The following DPYS variants were observed in gnomAD, a reference collection of about 807,000 sequenced individuals.
The protein encoded by DPYS is dihydropyrimidine amidohydrolase.
DPYS carries 39 observed loss-of-function variants against 50.3 expected under a neutral mutation model. The observed-to-expected ratio is 0.78, with a 90% CI of 0.60 to 1.01. DPYS has a LOEUF of 1.01. Among genes scored for constraint, DPYS ranks in the 50% least tolerant of loss-of-function variants. The probability of loss-of-function intolerance (pLI) is 0.00; values close to 1 mark genes in which losing one functional copy is unlikely to be tolerated. For synonymous variants in DPYS, 245 were observed against 250.7 expected, an observed-to-expected ratio of 0.98 and a Z score of 0.22; for missense variants, 659 against 680.9, an observed-to-expected ratio of 0.97 and a Z score of 0.36.
At chr8:104,428,533 C>T (rs1349240046) in intron 5 of DPYS, among the ~76,000 whole-genome samples, 2 of 152,270 alleles carry the variant, frequency 1.3e-5, no homozygotes, top group Non-Finnish European at 1.5e-5. Context: ...ACAAAGACAT[C>T]ACCATGGTGA....
intron 2 of DPYS, among the ~76,000 whole-genome samples, chr8:104,450,145 A>AGAAGGGAG (rs1554700349): frequency 7.6e-5 from 5 of 65,394 alleles, no homozygotes; most frequent in Non-Finnish European, 1.3e-4. Context: ...AAGAAAAGAA[A>AGAAGGGAG]GAAGGAAGGG....
intron 5 of DPYS, 140 bp from the exon 6 acceptor site, chr8:104,428,261 A>T: frequency 8.8e-7 from 1 of 1,132,582 alleles, no homozygotes; most frequent in South Asian, 1.3e-5. Flanking sequence ...CAGTTTTTTC[A>T]AGAACATATT....
intron 3 of DPYS, among the ~76,000 whole-genome samples, chr8:104,445,523 G>C (rs1377838926): frequency 6.6e-6 from 1 of 152,112 alleles, no homozygotes; most frequent in Non-Finnish European, 1.5e-5. Context: ...GACACAGAAA[G>C]ACAAACATTG....
At chr8:104,400,493 A>T (rs1427229059) in intron 7 of DPYS, among the ~76,000 whole-genome samples, 2 of 152,210 alleles carry the variant, frequency 1.3e-5, no homozygotes, top group South Asian at 2.1e-4. Context: ...CAATTGTGAG[A>T]AATACATTCT....
At chr8:104,458,576 A>G (rs1321439524) in intron 1 of DPYS, among the ~76,000 whole-genome samples, 1 of 152,234 alleles carries the variant, frequency 6.6e-6, no homozygotes, top group African/African-American at 2.4e-5. Flanking sequence ...TGCCCATTAC[A>G]GTACCTGGCA....
At chr8:104,428,863 C>T (rs1812836681) in intron 5 of DPYS, among the ~76,000 whole-genome samples, 1 of 150,708 alleles carries the variant, frequency 6.6e-6, no homozygotes, top group Non-Finnish European at 1.5e-5. Flanking sequence ...CAGAGTCTTG[C>T]TCTGTCACTC....
chr8:104,413,019 A>G (rs912381591), intron 7 of DPYS, among the ~76,000 whole-genome samples: 13 of 152,342 alleles, frequency 8.5e-5, no homozygotes, highest in African/African-American at 2.9e-4. Context: ...TCTATTGAGA[A>G]AATGTGAGAG....
At chr8:104,427,847 C>T (rs1812786889) in intron 6 of DPYS, 133 bp downstream of exon 6, 2 of 1,290,346 alleles carry the variant, frequency 1.5e-6, no homozygotes, top group Admixed American at 3.4e-5. Context: ...GATAGTATTG[C>T]ATTCCTAGTA....
intron 4 of DPYS, among the ~76,000 whole-genome samples, chr8:104,430,302 A>G (rs966318857): frequency 1.3e-5 from 2 of 152,158 alleles, no homozygotes; most frequent in African/African-American, 2.4e-5. Flanking sequence ...ATGAAAGAAC[A>G]CTCAGATAAT....
In DPYS at chr8:104,447,271, TTA is replaced by T. The variant is rs1158573608; in HGVS notation, c.603+51_603+52del. 3.1e-6 allele frequency: 5 copies of T among 1,604,606 alleles called. No individual in the cohort carries two copies. In the African/African-American group the frequency reaches 6.7e-5, roughly 21 times the overall value. ...CTATGTAGGCCCAATCATCTTCACC[TTA>T]TGTTATGGCTGCTGTCATTTCTGTA... On this transcript the variant is annotated intron_variant, in intron 3 of 9. Coordinates refer to ENST00000351513, the MANE Select transcript of DPYS (RefSeq NM_001385.3).
chr8:104,381,430 C>A, intron 8 of DPYS, 116 bp from the exon 9 acceptor site: 1 of 931,470 alleles, frequency 1.1e-6, no homozygotes, highest in Admixed American at 1.9e-5. Flanking sequence ...AAATTTATCA[C>A]GTGCCTCCCC....
At chr8:104,437,164 A>G (rs1813181668) in intron 4 of DPYS, among the ~76,000 whole-genome samples, 1 of 152,220 alleles carries the variant, frequency 6.6e-6, no homozygotes, top group Non-Finnish European at 1.5e-5. Flanking sequence ...AAAATACAGA[A>G]GAAACATTTT....
rs141910961 is a variant in DPYS, at chr8:104,459,765, T to A, written c.264+6892A>T. 4.3e-3 allele frequency among the ~76,000 whole-genome samples: 652 copies of A among 152,318 alleles called. 7 individuals carry two copies. The highest frequency in any genetic ancestry group is 0.015 in the African/African-American group (626 of 41,572). On this transcript the variant is annotated intron_variant, in intron 1 of 9. Transcript: ENST00000351513. ...TTCACAACCAGGGAAGATTGACTTATCACTAGAGACTTGGAAGCTGACACC... is the reference window on the plus strand; with the variant it reads ...TTCACAACCAGGGAAGATTGACTTAACACTAGAGACTTGGAAGCTGACACC...
chr8:104,453,613 G>A (rs1309836099), intron 1 of DPYS, among the ~76,000 whole-genome samples: 6 of 152,196 alleles, frequency 3.9e-5, no homozygotes, highest in Admixed American at 6.5e-5. Flanking sequence ...AAATGGTACA[G>A]CCACTTTGGA....
chr8:104,418,627 C>A (rs1812446590), intron 7 of DPYS: 1 of 152,374 alleles, frequency 6.6e-6, no homozygotes, highest in Non-Finnish European at 1.5e-5. Flanking sequence ...CCAGCCTTAA[C>A]TGCTTCCTCC....
intron 7 of DPYS, among the ~76,000 whole-genome samples, chr8:104,404,584 G>C (rs2853159): frequency 0.46 from 69,263 of 152,166 alleles, 16,431 homozygotes; most frequent in Middle Eastern, 0.55. Context: ...AGGCAAAAAG[G>C]CTTCCAGGCA....
intron 1 of DPYS, among the ~76,000 whole-genome samples, chr8:104,453,173 C>T (rs1375644199): frequency 6.6e-6 from 1 of 152,138 alleles, no homozygotes; most frequent in Non-Finnish European, 1.5e-5. Context: ...GGCCCCACTC[C>T]AATTCTTTTT....
chr8:104,448,346 G>A (rs1282141938), intron 2 of DPYS, among the ~76,000 whole-genome samples: 1 of 151,948 alleles, frequency 6.6e-6, no homozygotes, highest in Non-Finnish European at 1.5e-5. Flanking sequence ...AGTAGGGATG[G>A]GGTTTCACCA....
chr8:104,443,468 G>A (rs1242635060), intron 4 of DPYS, among the ~76,000 whole-genome samples: 1 of 152,174 alleles, frequency 6.6e-6, no homozygotes, highest in Admixed American at 6.5e-5. Flanking sequence ...CAACATCCAA[G>A]TGGCTGTCAG....
Sources: allele counts gnomAD v4.1 joint callset (sites outside exome capture counted in the v4.1 genomes callset), GRCh38; gene constraint gnomAD v4.1.1; transcripts MANE v1.5; gene names NCBI Gene and HGNC (gene_info 2026-07-23, HGNC 2026-07-21).